CHRM3: variants seen among roughly 807,000 people sequenced by gnomAD.
The protein encoded by CHRM3 is muscarinic acetylcholine receptor M3.
In CHRM3, 11 loss-of-function variants were observed where a neutral mutation model predicts 41.8. The observed-to-expected ratio is 0.26, with a 90% CI of 0.17 to 0.44. The LOEUF (loss-of-function observed/expected upper bound fraction) is 0.44, where lower values mean the gene tolerates loss of function less well. CHRM3 is among the 20% of genes least tolerant of loss of function. CHRM3 has a pLI of 1.00. For missense variants in CHRM3, 571 were observed against 745.4 expected (o/e 0.77, Z 2.72); for synonymous variants, 297 against 301.4 (o/e 0.99, Z 0.15).
At position 239,879,825 on chromosome 1, in the gene CHRM3, C is replaced by G. The variant is rs548664103; in HGVS notation, c.-19-27608C>G. On this transcript the variant is annotated intron_variant, in intron 6 of 6. Coordinates refer to ENST00000676153, the MANE Select transcript of CHRM3 (RefSeq NM_001375978.1). ...CTGGTTGCTCTGCTGCAATAGAAGT[C>G]TCTCCCTCCCCAGCTACAATGACAC... Among the ~76,000 whole-genome samples the G allele has an allele frequency of 1.2e-4, 18 of 152,338 alleles. No homozygotes were observed. The South Asian group carries it at 3.5e-3, about 30-fold the overall frequency.
At chr1:239,788,936 A>G (rs1405463692) in intron 5 of CHRM3, among the ~76,000 whole-genome samples, 4 of 152,222 alleles carry the variant, frequency 2.6e-5, no homozygotes, top group Non-Finnish European at 4.4e-5. Flanking sequence ...AATTCTAACT[A>G]TTATATAACT....
chr1:239,701,834 A>G (rs1299206811), intron 5 of CHRM3, among the ~76,000 whole-genome samples: 2 of 152,062 alleles, frequency 1.3e-5, no homozygotes, highest in Non-Finnish European at 2.9e-5. Flanking sequence ...CGCTCATGCT[A>G]TTCCTTCCAT....
chr1:239,543,730 G>A (rs548685685), intron 2 of CHRM3, among the ~76,000 whole-genome samples: 3 of 151,946 alleles, frequency 2.0e-5, no homozygotes, highest in East Asian at 3.9e-4. Context: ...GGATGGTCTC[G>A]ATCTCCTGAT....
rs1680390714 is a variant in CHRM3, at chr1:239,912,009, A to C, written c.*2785A>C. The C allele has an allele frequency of 6.0e-6, 1 of 167,092 alleles. No individual in the cohort carries two copies. The highest frequency in any genetic ancestry group is 1.5e-5 in the Non-Finnish European group (1 of 68,126). 10.4% of individuals were successfully genotyped at this position (167,092 alleles called of 1,614,324 possible). On this transcript the variant is annotated 3_prime_UTR_variant, in exon 7 of 7. Coordinates refer to ENST00000676153, the MANE Select transcript of CHRM3 (RefSeq NM_001375978.1). ...CTAAGATCAAAATGTCTTCATCCCA[A>C]ATTGGGAATCGAATTATTTCATGCC...
rs201823094 is a variant in CHRM3 at position 239,910,304 on chromosome 1, A to AATATATATATATAT, written c.*1092_*1093insATATATATATATAT. On this transcript the variant is annotated 3_prime_UTR_variant, in exon 7 of 7. Coordinates refer to ENST00000676153, the MANE Select transcript of CHRM3 (RefSeq NM_001375978.1). Reference sequence around the variant, plus strand: ...GTCACGTTTGAATGTCATACACAGCAATATATATATATGTGTATATATATA... The same window carrying AATATATATATATAT: ...GTCACGTTTGAATGTCATACACAGCAATATATATATATATATATATATATATGTGTATATATATA... 6.3e-6 allele frequency: 1 copy of AATATATATATATAT among 159,638 alleles called. No individual in the cohort carries two copies. The highest frequency in any genetic ancestry group is 2.5e-5 in the African/African-American group (1 of 39,564). The allele number at this position is 159,638 out of a possible 1,614,324, so 9.9% of individuals were successfully genotyped here. A position where few individuals can be genotyped will look rare whatever the true frequency, so the allele number is the denominator to read the frequency against.
chr1:239,587,598 A>G (rs1663563231), intron 3 of CHRM3, among the ~76,000 whole-genome samples: 1 of 152,178 alleles, frequency 6.6e-6, no homozygotes, highest in African/African-American at 2.4e-5. Context: ...AGTTGGCAAA[A>G]CTGATCAAAT....
chr1:239,659,204 T>C lies in CHRM3; in HGVS notation c.-249-18982T>C, dbSNP rs188799218. Among the ~76,000 whole-genome samples, 43 of 152,322 alleles carry C rather than the reference T, an allele frequency of 2.8e-4. 1 individual carries two copies. Among genetic ancestry groups the C allele is most frequent in the African/African-American group, 8.7e-4 (36 of 41,570 alleles). On this transcript the variant is annotated intron_variant, in intron 4 of 6. Transcript: ENST00000676153. ...ACGTGTTCTCTGCTCCCTGTGTCTC[T>C]GGGGAGAAAGAAATTTTTCTCTTCC... is the stretch of plus-strand genomic sequence containing the variant.
chr1:239,860,658 G>A (rs1437624021), intron 6 of CHRM3, among the ~76,000 whole-genome samples: 4 of 152,130 alleles, frequency 2.6e-5, no homozygotes, highest in Non-Finnish European at 5.9e-5. Context: ...ATAATTTTCT[G>A]CATGAGGCAG....
At chr1:239,532,506 T>C (rs1373961259) in intron 2 of CHRM3, among the ~76,000 whole-genome samples, 1 of 150,226 alleles carries the variant, frequency 6.7e-6, no homozygotes, top group Non-Finnish European at 1.5e-5. Flanking sequence ...GTGCCTGTAG[T>C]CCCAGCTACT....
chr1:239,589,460 A>G (rs771188657), intron 3 of CHRM3, among the ~76,000 whole-genome samples: 1 of 150,982 alleles, frequency 6.6e-6, no homozygotes, highest in Non-Finnish European at 1.5e-5. Context: ...ACATAAAACT[A>G]TGTGTATACA....
intron 4 of CHRM3, among the ~76,000 whole-genome samples, chr1:239,642,480 T>A (rs1671274098): frequency 6.6e-6 from 1 of 152,166 alleles, no homozygotes; most frequent in Non-Finnish European, 1.5e-5. Context: ...TATTCTTTTT[T>A]ATCTAAACTT....
At chr1:239,894,465 C>G (rs1055111604) in intron 6 of CHRM3, among the ~76,000 whole-genome samples, 1 of 152,092 alleles carries the variant, frequency 6.6e-6, no homozygotes, top group Non-Finnish European at 1.5e-5. Context: ...TGGAGTCTCA[C>G]TCTGTCATTC....
chr1:239,435,995 A>G (rs1663235212), intron 1 of CHRM3, among the ~76,000 whole-genome samples: 1 of 152,170 alleles, frequency 6.6e-6, no homozygotes, highest in Admixed American at 6.5e-5. Flanking sequence ...TGGAAAGCTG[A>G]CAAAGTGGAT....
intron 3 of CHRM3, among the ~76,000 whole-genome samples, chr1:239,572,005 G>A (rs1044521527): frequency 2.0e-5 from 3 of 152,102 alleles, no homozygotes; most frequent in Non-Finnish European, 1.5e-5. Flanking sequence ...TATGCCAGAC[G>A]CTATGCTAAA....
intron 3 of CHRM3, among the ~76,000 whole-genome samples, chr1:239,607,972 T>C (rs1272598355): frequency 6.6e-6 from 1 of 152,210 alleles, no homozygotes; most frequent in African/African-American, 2.4e-5. Context: ...GGGCAACTAC[T>C]CATTGCCTCA....
At chr1:239,855,636 A>G (rs1165041278) in intron 6 of CHRM3, among the ~76,000 whole-genome samples, 1 of 152,120 alleles carries the variant, frequency 6.6e-6, no homozygotes, top group Non-Finnish European at 1.5e-5. Context: ...TTATAGATTG[A>G]TCAGTGGGTA....
At chr1:239,861,566 A>G (rs1675642701) in intron 6 of CHRM3, among the ~76,000 whole-genome samples, 1 of 152,178 alleles carries the variant, frequency 6.6e-6, no homozygotes, top group Non-Finnish European at 1.5e-5. Context: ...CAACTCATGC[A>G]GGGTCACACA....
chr1:239,636,970 G>T (rs188505560), intron 4 of CHRM3, among the ~76,000 whole-genome samples: 1 of 152,154 alleles, frequency 6.6e-6, no homozygotes, highest in Non-Finnish European at 1.5e-5. Flanking sequence ...TAGGATTTTG[G>T]AGTATCTATA....
intron 1 of CHRM3, among the ~76,000 whole-genome samples, chr1:239,415,791 T>A (rs187435755): frequency 2.0e-5 from 3 of 152,332 alleles, no homozygotes; most frequent in Admixed American, 6.5e-5. Context: ...TGTCACTTCA[T>A]TCATCCAAGT....
Sources: gnomAD v4.1 joint callset for allele counts (sites outside exome capture counted in the v4.1 genomes callset) on GRCh38, gnomAD v4.1.1 for gene constraint, MANE v1.5 for transcripts, NCBI Gene and HGNC (gene_info 2026-07-23, HGNC 2026-07-21) for gene names.